COL13A1: variants seen among roughly 807,000 people sequenced by gnomAD.
The protein encoded by COL13A1 is collagen alpha-1(XIII) chain.
A neutral mutation model predicts 130.9 loss-of-function variants in COL13A1; 89 were observed. The ratio of observed to expected loss-of-function variants is 0.68; its 90% CI spans 0.57 to 0.81. COL13A1 has a LOEUF of 0.81. COL13A1 is among the 30% of genes least tolerant of loss of function. The pLI is 0.00. For missense variants in COL13A1, 879 were observed against 934.6 expected, an observed-to-expected ratio of 0.94 and a Z score of 0.78; for synonymous variants, 402 against 341.6, an observed-to-expected ratio of 1.18 and a Z score of -1.95.
chr10:69,919,048 C>G lies in COL13A1; in HGVS notation c.1000-14C>G, dbSNP rs1276653238. On this transcript the variant is annotated splice_polypyrimidine_tract_variant and intron_variant, in intron 19 of 40. Transcript: ENST00000645393. ...TTTTCTGTCTCTCACATTTGTTTCT[C>G]TTTTTCCACACAGGGTGAGCCAGGG... 2 of 1,613,890 alleles carry G rather than the reference C, an allele frequency of 1.2e-6. No individual in the cohort carries two copies. Among genetic ancestry groups the G allele is most frequent in the Non-Finnish European group, 1.7e-6 (2 of 1,179,868 alleles).
chr10:69,922,062 A>G, intron 22 of COL13A1, 127 bp downstream of exon 22: 1 of 1,217,330 alleles, frequency 8.2e-7, no homozygotes, highest in Non-Finnish European at 1.1e-6. Context: ...AGGCAGCTGG[A>G]ACACAGCCAG....
At chr10:69,947,840 G>T (rs769156601) in intron 38 of COL13A1, among the ~76,000 whole-genome samples, 1 of 152,150 alleles carries the variant, frequency 6.6e-6, no homozygotes, top group African/African-American at 2.4e-5. Context: ...GGAAAGAGTC[G>T]GCAGGGCTCT....
At chr10:69,903,373 G>A (rs1406522673) in intron 15 of COL13A1, among the ~76,000 whole-genome samples, 2 of 152,364 alleles carry the variant, frequency 1.3e-5, no homozygotes, top group Admixed American at 6.5e-5. Flanking sequence ...CAAGCCTGCG[G>A]GGCCTGCAGG....
At chr10:69,876,330 C>G (rs867193555) in intron 5 of COL13A1, among the ~76,000 whole-genome samples, 2 of 152,228 alleles carry the variant, frequency 1.3e-5, no homozygotes, top group South Asian at 2.1e-4. Flanking sequence ...GACAATATTA[C>G]TACTCCCCAC....
At chr10:69,859,977 C>A (rs1857508599) in intron 2 of COL13A1, among the ~76,000 whole-genome samples, 2 of 152,212 alleles carry the variant, frequency 1.3e-5, no homozygotes, top group South Asian at 4.1e-4. Context: ...CACAGAGTGC[C>A]CCCAGACAGG....
chr10:69,858,951 G>A (rs986214002), intron 2 of COL13A1, among the ~76,000 whole-genome samples: 4 of 152,136 alleles, frequency 2.6e-5, no homozygotes, highest in African/African-American at 7.2e-5. Context: ...CCTGCAAAAC[G>A]GCGCATAATA....
chr10:69,873,372 G>A (rs1253571731), intron 4 of COL13A1, among the ~76,000 whole-genome samples: 1 of 152,218 alleles, frequency 6.6e-6, no homozygotes, highest in East Asian at 1.9e-4. Context: ...AAGAGCCCCA[G>A]CACAAAGGAG....
chr10:69,816,357 A>G (rs1844516346), intron 1 of COL13A1, among the ~76,000 whole-genome samples: 1 of 151,312 alleles, frequency 6.6e-6, no homozygotes, highest in African/African-American at 2.4e-5. Flanking sequence ...GGCAGGTCCA[A>G]GGAGGAGTTG....
At chr10:69,900,210 A>G (rs896890125) in intron 14 of COL13A1, among the ~76,000 whole-genome samples, 2 of 151,604 alleles carry the variant, frequency 1.3e-5, no homozygotes, top group African/African-American at 4.8e-5. Flanking sequence ...CAGAATAGCC[A>G]TTCTCCTGGG....
chr10:69,847,817 C>A, intron 2 of COL13A1, among the ~76,000 whole-genome samples: 1 of 152,216 alleles, frequency 6.6e-6, no homozygotes, highest in Admixed American at 6.5e-5. Flanking sequence ...ACAGAAACAG[C>A]AAAGAAACCT....
chr10:69,952,461 G>A (rs1159550417), intron 38 of COL13A1, among the ~76,000 whole-genome samples: 3 of 152,184 alleles, frequency 2.0e-5, no homozygotes, highest in Non-Finnish European at 2.9e-5. Flanking sequence ...CTAATAGAAT[G>A]TCAAAAGGAT....
rs557536105 is a variant in COL13A1, at chr10:69,886,763, G to C, written c.514-693G>C. On this transcript the variant is annotated intron_variant, in intron 7 of 40. Transcript: ENST00000645393. ...AATCTCATCACATCCCCTTTGTCCT[G>C]AATCTTGATCATAAACCACTGGATC... is the stretch of plus-strand genomic sequence containing the variant. 6.6e-5 allele frequency among the ~76,000 whole-genome samples: 10 copies of C among 152,258 alleles called. 1 individual carries two copies. The South Asian group carries it at 1.5e-3, about 22-fold the overall frequency.
intron 17 of COL13A1, among the ~76,000 whole-genome samples, chr10:69,911,124 G>A (rs2063333440): frequency 6.6e-6 from 1 of 152,196 alleles, no homozygotes; most frequent in African/African-American, 2.4e-5. Flanking sequence ...AGAGGGCTGG[G>A]GAAGGGCACA....
chr10:69,892,459 G>T (rs149157092), intron 10 of COL13A1, among the ~76,000 whole-genome samples: 421 of 152,298 alleles, frequency 2.8e-3, no homozygotes, highest in African/African-American at 9.6e-3. Flanking sequence ...GTGTAGTTGG[G>T]GGGTGGACAA....
intron 2 of COL13A1, among the ~76,000 whole-genome samples, chr10:69,836,964 G>A (rs1210266384): frequency 1.3e-5 from 2 of 151,996 alleles, no homozygotes; most frequent in African/African-American, 4.8e-5. Context: ...CAGGCCGGAG[G>A]GAGGGTGGGG....
chr10:69,868,015 C>T (rs751942371), intron 3 of COL13A1, among the ~76,000 whole-genome samples: 5 of 151,310 alleles, frequency 3.3e-5, no homozygotes, highest in Non-Finnish European at 7.4e-5. Context: ...CAGGGCAAGA[C>T]AATGGCTGCC....
chr10:69,925,384 A>G (rs2065216597), intron 25 of COL13A1, among the ~76,000 whole-genome samples: 1 of 152,240 alleles, frequency 6.6e-6, no homozygotes, highest in Non-Finnish European at 1.5e-5. Flanking sequence ...GATTAGGAAC[A>G]AAAGGAAAGG....
At chr10:69,841,919 G>T (rs1277310825) in intron 2 of COL13A1, among the ~76,000 whole-genome samples, 1 of 152,174 alleles carries the variant, frequency 6.6e-6, no homozygotes, top group African/African-American at 2.4e-5. Context: ...GATTCAGCTG[G>T]AATATGCAGG....
At chr10:69,916,841 G>T (rs1021052415) in intron 17 of COL13A1, among the ~76,000 whole-genome samples, 6 of 152,132 alleles carry the variant, frequency 3.9e-5, no homozygotes, top group African/African-American at 1.2e-4. Flanking sequence ...CAGCCAGAAG[G>T]TATCATCCTA....
Sources: gnomAD v4.1 joint callset for allele counts (sites outside exome capture counted in the v4.1 genomes callset) on GRCh38, gnomAD v4.1.1 for gene constraint, MANE v1.5 for transcripts, NCBI Gene and HGNC (gene_info 2026-07-23, HGNC 2026-07-21) for gene names.